RSPH14: variants seen among roughly 807,000 people sequenced by gnomAD.
RSPH14 encodes rhabdoid tumor deletion region gene 1.
RSPH14 carries 20 observed loss-of-function variants against 26.7 expected under a neutral mutation model. The observed-to-expected ratio is 0.75, with a 90% CI of 0.53 to 1.09. RSPH14 has a LOEUF of 1.09. RSPH14 is among the 50% of genes least tolerant of loss of function. The pLI is 0.00. For synonymous variants in RSPH14, 177 were observed against 189.3 expected (o/e 0.93, Z 0.53); for missense variants, 449 against 457.2 (o/e 0.98, Z 0.16).
chr22:23,163,606 G>GCCCCCCCCCCCCCCCCCCCCCCACCCCC, the RSPH14 span: 1 of 125,234 alleles, frequency 8.0e-6, no homozygotes, highest in African/African-American at 2.7e-5. Context: ...CAAGGTGAAA[G>GCCCCCCCCCCCCCCCCCCCCCCACCCCC]CCCCCCCCCC....
At chr22:23,173,738 G>A in the RSPH14 span, among the ~76,000 whole-genome samples, 5 of 149,034 alleles carry the variant, frequency 3.4e-5, no homozygotes, top group East Asian at 2.0e-4. Flanking sequence ...ACGGAGTCTC[G>A]CTCTGTCACC....
At chr22:23,094,435 G>A (rs2069067086) in intron 4 of RSPH14, among the ~76,000 whole-genome samples, 1 of 152,184 alleles carries the variant, frequency 6.6e-6, no homozygotes, top group Admixed American at 6.5e-5. Flanking sequence ...GATTCTGCCT[G>A]AGGCCTCTAG....
rs11702988 is a variant in RSPH14, at chr22:23,129,706, G to A, written c.421+4320C>T. 3.0e-3 allele frequency among the ~76,000 whole-genome samples: 459 copies of A among 152,082 alleles called. 1 individual carries two copies. Among genetic ancestry groups the A allele is most frequent in the South Asian group, 6.4e-3 (31 of 4,808 alleles). On this transcript the variant is annotated intron_variant, in intron 4 of 6. Coordinates refer to ENST00000216036, the MANE Select transcript of RSPH14 (RefSeq NM_014433.3). ...GGAGGCCGAGGCAGGAGGATCGTGA[G>A]GTCAGGAGTTCAAGACCAGCCTGGT... is the stretch of plus-strand genomic sequence containing the variant.
Position 23,071,324 on chromosome 22 carries a change from C to G in RSPH14, c.422-7191G>C, listed in dbSNP as rs2068367721. ...GCTGAGCCTTCCTGGGTGATGATGG[C>G]AGGATTCGGCCTAGGCCGAGAATGG... On this transcript the variant is annotated intron_variant, in intron 4 of 6. Transcript: ENST00000216036. The surrounding 1 kb of genome is among the most constrained non-coding windows in gnomAD (Gnocchi z 4.1). Among the ~76,000 whole-genome samples the G allele has an allele frequency of 6.6e-6, 1 of 152,126 alleles. No individual in the cohort carries two copies. Among genetic ancestry groups the G allele is most frequent in the Non-Finnish European group, 1.5e-5 (1 of 68,026 alleles).
At chr22:23,064,921 C>A (rs2068173150) in intron 4 of RSPH14, among the ~76,000 whole-genome samples, 1 of 152,170 alleles carries the variant, frequency 6.6e-6, no homozygotes, top group Non-Finnish European at 1.5e-5. Flanking sequence ...GCATCCTGAG[C>A]CCAGGACGGT....
chr22:23,151,447 C>A, the RSPH14 span, among the ~76,000 whole-genome samples: 3 of 152,204 alleles, frequency 2.0e-5, no homozygotes, highest in Non-Finnish European at 4.4e-5. Context: ...GCAAGGTGAC[C>A]TGCAGCCCAG....
chr22:23,087,482 C>A (rs1189437873), intron 4 of RSPH14, among the ~76,000 whole-genome samples: 1 of 152,106 alleles, frequency 6.6e-6, no homozygotes, highest in Non-Finnish European at 1.5e-5. Flanking sequence ...TTATAACCGC[C>A]CAAGGGGTTC....
intron 4 of RSPH14, among the ~76,000 whole-genome samples, chr22:23,130,059 AAAAGAAAGAAAGAAAGAAAGAAAGGAAG>A (rs1189539959): frequency 0.05 from 6,543 of 131,026 alleles, 523 homozygotes; most frequent in African/African-American, 0.078. Flanking sequence ...AAGAGAAAGA[AAAAGAAAGAAAGAAAGAAAGAAAGGAAG>A]AAAGAAAGAA....
intron 4 of RSPH14, among the ~76,000 whole-genome samples, chr22:23,075,813 T>C (rs2068493286): frequency 6.6e-6 from 1 of 152,134 alleles, no homozygotes; most frequent in Non-Finnish European, 1.5e-5. Flanking sequence ...GCCCCTGGGA[T>C]GGAGAGCTGC....
intron 4 of RSPH14, among the ~76,000 whole-genome samples, chr22:23,111,085 C>T (rs376230347): frequency 5.9e-5 from 9 of 152,332 alleles, no homozygotes; most frequent in Admixed American, 1.3e-4. Flanking sequence ...GGGGCCTGCG[C>T]GCCTTCCCTG....
At chr22:23,098,911 C>G (rs1459155798) in intron 4 of RSPH14, among the ~76,000 whole-genome samples, 1 of 152,236 alleles carries the variant, frequency 6.6e-6, no homozygotes, top group Admixed American at 6.5e-5. Flanking sequence ...GGCTGCCACT[C>G]TGCTCTCTCC....
chr22:23,131,390 G>C (rs917094900), intron 4 of RSPH14: 1 of 226,834 alleles, frequency 4.4e-6, no homozygotes, highest in Non-Finnish European at 8.5e-6. Flanking sequence ...CTCAAGGAAA[G>C]GCAGGAGGAA....
chr22:23,062,728 C>T lies in RSPH14; in HGVS notation c.654-783G>A, dbSNP rs183263939. On this transcript the variant is annotated intron_variant, in intron 5 of 6. Coordinates refer to ENST00000216036, the MANE Select transcript of RSPH14 (RefSeq NM_014433.3). ...AGCCTTTCAGGGCAGTGGGCCTCAA[C>T]CCCGAAGCCCATGATCAAAGTTGCA... Among the ~76,000 whole-genome samples the T allele has an allele frequency of 4.0e-3, 613 of 152,356 alleles. 5 individuals are homozygous for T. Among genetic ancestry groups the T allele is most frequent in the Middle Eastern group, 0.027 (8 of 294 alleles).
chr22:23,153,692 CTTTTTT>C, the RSPH14 span: 54 of 273,078 alleles, frequency 2.0e-4, no homozygotes, highest in Non-Finnish European at 2.3e-4. Context: ...CCACTTCTGT[CTTTTTT>C]TTTTTTTTTT....
the RSPH14 span, chr22:23,161,123 C>T: frequency 3.3e-4 from 407 of 1,241,322 alleles, 2 homozygotes; most frequent in South Asian, 5.3e-3. Context: ...GTCCTTTGAC[C>T]CTCCTCTCAG....
chr22:23,128,211 C>T (rs1165868778), intron 4 of RSPH14, among the ~76,000 whole-genome samples: 2 of 152,234 alleles, frequency 1.3e-5, no homozygotes, highest in Non-Finnish European at 2.9e-5. Context: ...TCAATTTCAG[C>T]CACAGAACTC....
the RSPH14 span, among the ~76,000 whole-genome samples, chr22:23,176,028 A>T: frequency 6.6e-5 from 10 of 151,990 alleles, no homozygotes; most frequent in African/African-American, 2.4e-4. Context: ...GCAGGGGGAG[A>T]GTCTCCAGCC....
chr22:23,098,797 C>T (rs1178805199), intron 4 of RSPH14, among the ~76,000 whole-genome samples: 1 of 152,248 alleles, frequency 6.6e-6, no homozygotes, highest in Non-Finnish European at 1.5e-5. Flanking sequence ...GCAGGCTGGG[C>T]TGGCCCCGGA....
intron 4 of RSPH14, among the ~76,000 whole-genome samples, chr22:23,105,504 G>A (rs553220717): frequency 2.6e-5 from 4 of 152,334 alleles, no homozygotes; most frequent in South Asian, 4.1e-4. Context: ...GTGTGGGTCC[G>A]AGGCTGCAGT....
Sources: allele counts gnomAD v4.1 joint callset (sites outside exome capture counted in the v4.1 genomes callset), GRCh38; gene constraint gnomAD v4.1.1; non-coding constraint Gnocchi (gnomAD v3.1); transcripts MANE v1.5; gene names NCBI Gene and HGNC (gene_info 2026-07-23, HGNC 2026-07-21).